Variants in INF2 observed in about 807,000 individuals in gnomAD.
The protein encoded by INF2 is inverted formin 2.
In INF2, 43 loss-of-function variants were observed where a neutral mutation model predicts 123.5. That is an observed-to-expected ratio of 0.35 (90% confidence interval 0.27 to 0.45). INF2 has a LOEUF of 0.45. Among genes scored for constraint, INF2 ranks in the 20% least tolerant of loss-of-function variants. The probability of loss-of-function intolerance (pLI) is 1.00; values close to 1 mark genes in which losing one functional copy is unlikely to be tolerated. For synonymous variants in INF2, 851 were observed against 745.0 expected (o/e 1.14, Z -2.32); for missense variants, 1,453 against 1,682.7 (o/e 0.86, Z 2.39).
chr14:104,707,218 C>T (rs979286465), intron 7 of INF2, 35 bp from the exon 8 acceptor site: 1 of 1,584,496 alleles, frequency 6.3e-7, no homozygotes, highest in African/African-American at 1.4e-5. Context: ...TCTCCGGCTC[C>T]CTTCTCCCTT....
upstream of INF2, among the ~76,000 whole-genome samples, chr14:104,688,272 C>T (rs1182649998): frequency 6.6e-6 from 1 of 152,240 alleles, no homozygotes; most frequent in Non-Finnish European, 1.5e-5. Context: ...AGCAAACTTC[C>T]GGGGCTGGGG....
At chr14:104,687,479 T>TACACACACACACACACACAC (rs5811149), upstream of INF2, among the ~76,000 whole-genome samples, 1 of 131,902 alleles carries the variant, frequency 7.6e-6, no homozygotes, top group African/African-American at 2.7e-5. This position sits in a 1 kb window ranked among gnomAD's most constrained non-coding sequence, Gnocchi z 5.6. Flanking sequence ...CACACACACA[T>TACACACACACACACACACAC]ACACACACAC....
At chr14:104,704,321 A>C in intron 5 of INF2, 1 of 509,482 alleles carries the variant, frequency 2.0e-6, no homozygotes, top group Non-Finnish European at 3.2e-6. Flanking sequence ...AGATGGAGAC[A>C]GGGACACGGG....
chr14:104,687,718 T>A (rs1270463136), upstream of INF2, among the ~76,000 whole-genome samples: 3 of 151,726 alleles, frequency 2.0e-5, no homozygotes, highest in Non-Finnish European at 4.4e-5. The surrounding 1 kb of genome is among the most constrained non-coding windows in gnomAD (Gnocchi z 5.6). Context: ...TGGGCCTCCC[T>A]CCCCCATCAG....
rs770833242 is a variant in INF2 at position 104,701,433 on chromosome 14, C to T, written c.68C>T (p.Ser23Leu). The T allele has an allele frequency of 3.8e-6, 6 of 1,594,764 alleles. No individual in the cohort carries two copies. The South Asian group carries it at 5.7e-5, about 15-fold the overall frequency. Residue 23 changes from serine (S) to leucine (L), a missense_variant, in exon 2 of 23, where the codon TCG (serine) becomes TTG (leucine). Ser to Leu is a moderately radical substitution (Grantham distance 145, BLOSUM62 -2). Transcript: ENST00000392634. The part of the protein sequence containing the change: ...ALKEKLGPQD[S>L]DPTEANLESA... ...AAGGAGAAGCTGGGGCCACAGGATT[C>T]GGACCCCACGGAGGCCAACCTGGAG...
At position 104,709,714 on chromosome 14, in the gene INF2, G is replaced by A. The variant is rs201065953; in HGVS notation, c.2138+9G>A. On this transcript the variant is annotated intron_variant, in intron 12 of 22. Coordinates refer to ENST00000392634, the MANE Select transcript of INF2 (RefSeq NM_022489.4). Reference sequence around the variant, plus strand: ...CTGCTGGCCATTCCCTGGTGAGCATGGCCGCCCTCAGACCCCAGGGCCTGG... The same window carrying A: ...CTGCTGGCCATTCCCTGGTGAGCATAGCCGCCCTCAGACCCCAGGGCCTGG... 3.5e-4 allele frequency: 560 copies of A among 1,611,778 alleles called. 1 individual carries two copies. The African/African-American group carries it at 7.1e-3, about 21-fold the overall frequency.
At position 104,715,335 on chromosome 14, in the gene INF2, A is replaced by G. The variant is rs1890248105; in HGVS notation, c.3746A>G (p.Gln1249Arg). The G allele has an allele frequency of 6.2e-7, 1 of 1,613,422 alleles. No individual in the cohort carries two copies. Among genetic ancestry groups the G allele is most frequent in the South Asian group, 1.1e-5 (1 of 91,088 alleles). Reference sequence around the variant, plus strand: ...AAAACAAAGAAACTGTGTGTGATCCAGTAAGGTATGTACGCAGCCGGCGCT... The same window carrying G: ...AAAACAAAGAAACTGTGTGTGATCCGGTAAGGTATGTACGCAGCCGGCGCT... The part of the protein sequence containing the change: ...DNKTKKLCVI[Q>R] The change falls in exon 22 of 23, where the codon CAG becomes CGG. Residue 1249 changes from glutamine (Q) to arginine (R), a missense_variant. By Grantham distance (43) the Gln-to-Arg change is conservative (BLOSUM62 1). Coordinates refer to ENST00000392634, the MANE Select transcript of INF2 (RefSeq NM_022489.4).
intron 5 of INF2, chr14:104,704,530 A>G (rs1002187943): frequency 1.2e-5 from 2 of 167,108 alleles, no homozygotes; most frequent in Non-Finnish European, 2.6e-5. Flanking sequence ...TCAGCACTGC[A>G]TTAGATTCTC....
chr14:104,704,645 A>G (rs939005091), intron 5 of INF2: 12 of 152,780 alleles, frequency 7.9e-5, no homozygotes, highest in Admixed American at 6.5e-4. Context: ...CATTCCCGTC[A>G]CCCCAGTCTA....
intron 2 of INF2, among the ~76,000 whole-genome samples, chr14:104,702,616 C>T (rs962105464): frequency 4.6e-5 from 7 of 152,250 alleles, no homozygotes; most frequent in African/African-American, 1.7e-4. Context: ...CTGTCGGACC[C>T]AGGGGACAGA....
chr14:104,712,348 G>T, intron 16 of INF2, 85 bp from the exon 17 acceptor site: 1 of 1,555,728 alleles, frequency 6.4e-7, no homozygotes, highest in East Asian at 2.3e-5. Flanking sequence ...GTGGGGTGCC[G>T]GGGGGTGCAG....
intron 5 of INF2, among the ~76,000 whole-genome samples, chr14:104,705,481 G>A (rs1889739895): frequency 6.6e-6 from 1 of 152,064 alleles, no homozygotes; most frequent in Non-Finnish European, 1.5e-5. Context: ...CCCCACCAGT[G>A]TGGGCTGAAG....
At chr14:104,681,575 T>C in exon 1 of INF2, 4 of 1,289,120 alleles carry the variant, frequency 3.1e-6, no homozygotes, top group Non-Finnish European at 4.0e-6. Context: ...TTGGAAAATA[T>C]GGCCAAGGTA....
chr14:104,693,837 G>GC (rs1460074119), intron 1 of INF2, among the ~76,000 whole-genome samples: 8 of 152,200 alleles, frequency 5.3e-5, no homozygotes, highest in Admixed American at 5.2e-4. Flanking sequence ...CAGCCTGCCT[G>GC]CCCCACCCTC....
At chr14:104,705,965 C>T (rs1354851404) in intron 5 of INF2, 70 bp from the exon 6 acceptor site, 54 of 1,570,534 alleles carry the variant, frequency 3.4e-5, no homozygotes, top group Non-Finnish European at 4.5e-5. Context: ...CTGGCGCTGA[C>T]CCAGGCTGCC....
At position 104,706,018 on chromosome 14, in the gene INF2, T is replaced by TG; in HGVS notation, c.702-15dup. Reference sequence around the variant, plus strand: ...GTGGCAGCAGCAGGCTTAGCCCACCTGGCCCCTCCTGCACAGAGACCTGGA... The same window carrying TG: ...GTGGCAGCAGCAGGCTTAGCCCACCTGGGCCCCTCCTGCACAGAGACCTGGA... On this transcript the variant is annotated splice_polypyrimidine_tract_variant and intron_variant, in intron 5 of 22. Transcript: ENST00000392634. The TG allele has an allele frequency of 6.2e-7, 1 of 1,605,984 alleles. No homozygotes were observed.
In INF2 at chr14:104,720,136, A is replaced by G. The variant is rs1294523138; in HGVS notation, c.*1343A>G. 1.3e-5 allele frequency: 2 copies of G among 154,644 alleles called. No homozygotes were observed. Among genetic ancestry groups the G allele is most frequent in the Non-Finnish European group, 2.9e-5 (2 of 69,730 alleles). 9.6% of individuals were successfully genotyped at this position (154,644 alleles called of 1,614,324 possible). A position where few individuals can be genotyped will look rare whatever the true frequency, so the allele number is the denominator to read the frequency against. On this transcript the variant is annotated 3_prime_UTR_variant, in exon 23 of 23. Transcript: ENST00000392634. ...ACTCCAGACGCTCCAGATGTCATGCATGTCTCCTGGCTTCCTTCGGCTGTT... is the reference window on the plus strand; with the variant it reads ...ACTCCAGACGCTCCAGATGTCATGCGTGTCTCCTGGCTTCCTTCGGCTGTT...
chr14:104,703,477 A>C (rs1308207708), intron 4 of INF2, 23 bp downstream of exon 4: 1 of 1,608,986 alleles, frequency 6.2e-7, no homozygotes. Context: ...CCTGGGCCGC[A>C]TGCCCGCTCC....
chr14:104,709,736 C>G, intron 12 of INF2, 31 bp downstream of exon 12: 1 of 1,587,582 alleles, frequency 6.3e-7, no homozygotes, highest in East Asian at 2.2e-5. Flanking sequence ...ACCCCAGGGC[C>G]TGGGCCCCAG....
Sources: gnomAD v4.1 joint callset for allele counts (sites outside exome capture counted in the v4.1 genomes callset) on GRCh38, gnomAD v4.1.1 for gene constraint, Gnocchi (gnomAD v3.1) non-coding constraint, MANE v1.5 for transcripts, NCBI Gene and HGNC (gene_info 2026-07-23, HGNC 2026-07-21) for gene names.